The following PLD5 variants were observed in gnomAD, a reference collection of about 807,000 sequenced individuals.
PLD5 encodes inactive phospholipase D5.
PLD5 carries 36 observed loss-of-function variants against 61.1 expected under a neutral mutation model. The observed-to-expected ratio is 0.59, with a 90% CI of 0.45 to 0.78. The LOEUF is 0.78. Ranked by LOEUF, PLD5 falls within the 30% of genes least tolerant of loss-of-function variation. The pLI, the probability that PLD5 is intolerant of heterozygous loss-of-function variation, is 0.00. For synonymous variants in PLD5, 243 were observed against 242.8 expected, an observed-to-expected ratio of 1.00 and a Z score of -0.01; for missense variants, 515 against 644.4, an observed-to-expected ratio of 0.80 and a Z score of 2.17.
intron 2 of PLD5, among the ~76,000 whole-genome samples, chr1:242,289,141 C>T (rs1294827193): frequency 6.6e-6 from 1 of 152,242 alleles, no homozygotes. Context: ...ATTAATCAAG[C>T]CCTAAATAAA....
chr1:242,313,693 G>A (rs1473210738), intron 2 of PLD5, among the ~76,000 whole-genome samples: 1 of 152,144 alleles, frequency 6.6e-6, no homozygotes, highest in Non-Finnish European at 1.5e-5. Context: ...GCTGAGCCTA[G>A]TTCTACCTTT....
chr1:242,164,521 G>C (rs1259855286), intron 5 of PLD5, among the ~76,000 whole-genome samples: 1 of 152,132 alleles, frequency 6.6e-6, no homozygotes, highest in African/African-American at 2.4e-5. Context: ...TTCAGGTCAA[G>C]AGCAAGACAC....
chr1:242,378,659 G>A (rs1285229464), intron 1 of PLD5, among the ~76,000 whole-genome samples: 3 of 152,066 alleles, frequency 2.0e-5, no homozygotes, highest in East Asian at 1.9e-4. Context: ...TGGCCAGCAC[G>A]ACAAAACCCT....
chr1:242,176,040 C>A (rs548625880), intron 5 of PLD5, among the ~76,000 whole-genome samples: 1 of 152,146 alleles, frequency 6.6e-6, no homozygotes, highest in African/African-American at 2.4e-5. Context: ...AATGTTATCC[C>A]CATCAAGCTA....
intron 4 of PLD5, among the ~76,000 whole-genome samples, chr1:242,233,416 T>C (rs1255170072): frequency 6.6e-6 from 1 of 152,158 alleles, no homozygotes; most frequent in Non-Finnish European, 1.5e-5. Flanking sequence ...TGAATGACTC[T>C]GATGCCCTAG....
At chr1:242,358,812 T>C (rs1387271198) in intron 1 of PLD5, among the ~76,000 whole-genome samples, 1 of 152,192 alleles carries the variant, frequency 6.6e-6, no homozygotes, top group Non-Finnish European at 1.5e-5. Context: ...GCAGTGATTG[T>C]CTTTCTCACT....
At chr1:242,494,107 T>G in intron 1 of PLD5, among the ~76,000 whole-genome samples, 1 of 71,344 alleles carries the variant, frequency 1.4e-5, no homozygotes, top group Admixed American at 2.1e-4. Context: ...TCTCCTCCCC[T>G]CTCCTCCCCT....
At chr1:242,393,704 G>C (rs185910271) in intron 1 of PLD5, among the ~76,000 whole-genome samples, 1 of 99,582 alleles carries the variant, frequency 1.0e-5, no homozygotes, top group South Asian at 3.4e-4. Flanking sequence ...GAGTATATAT[G>C]TGTGTATATA....
intron 3 of PLD5, among the ~76,000 whole-genome samples, chr1:242,275,076 C>G (rs181202658): frequency 3.3e-5 from 5 of 151,792 alleles, no homozygotes; most frequent in Non-Finnish European, 5.9e-5. Flanking sequence ...TGTGTGTATA[C>G]GTGCATATAA....
chr1:242,488,998 A>G (rs1190303165), intron 1 of PLD5, among the ~76,000 whole-genome samples: 1 of 152,218 alleles, frequency 6.6e-6, no homozygotes, highest in Non-Finnish European at 1.5e-5. Context: ...TCAAGCAAAT[A>G]TTTGAGGAAG....
At chr1:242,355,877 A>G (rs1485358538) in intron 1 of PLD5, among the ~76,000 whole-genome samples, 3 of 151,874 alleles carry the variant, frequency 2.0e-5, no homozygotes, top group Admixed American at 6.6e-5. Flanking sequence ...GTTTAATTTC[A>G]TTGAGTTTTC....
At chr1:242,257,036 C>CGTT (rs1673095217) in intron 4 of PLD5, among the ~76,000 whole-genome samples, 1 of 136,430 alleles carries the variant, frequency 7.3e-6, no homozygotes, top group East Asian at 2.2e-4. Flanking sequence ...TACCTACCTA[C>CGTT]CTTCTATCTA....
chr1:242,156,757 C>A (rs564998623), intron 5 of PLD5, among the ~76,000 whole-genome samples: 153 of 152,196 alleles, frequency 1.0e-3, no homozygotes, highest in African/African-American at 3.4e-3. Flanking sequence ...GTGGGTAACC[C>A]AACTTTTCTC....
At chr1:242,191,836 G>C (rs761969111) in intron 5 of PLD5, among the ~76,000 whole-genome samples, 3 of 151,414 alleles carry the variant, frequency 2.0e-5, no homozygotes, top group Non-Finnish European at 4.4e-5. Flanking sequence ...AGGGAAGGAG[G>C]GGGTACAGAC....
intron 4 of PLD5, among the ~76,000 whole-genome samples, chr1:242,230,338 A>T (rs1368990051): frequency 6.6e-6 from 1 of 152,248 alleles, no homozygotes; most frequent in African/African-American, 2.4e-5. Flanking sequence ...AAGAATGCTA[A>T]TGAGCCTCAA....
intron 1 of PLD5, among the ~76,000 whole-genome samples, chr1:242,478,696 A>G (rs1273960767): frequency 6.6e-6 from 1 of 152,186 alleles, no homozygotes; most frequent in East Asian, 1.9e-4. Context: ...TATTCCCTGG[A>G]CTGCTAGGCA....
At chr1:242,377,803 A>T (rs557478306) in intron 1 of PLD5, among the ~76,000 whole-genome samples, 17 of 152,348 alleles carry the variant, frequency 1.1e-4, no homozygotes, top group African/African-American at 3.8e-4. Flanking sequence ...AAAAATGCAA[A>T]TCAAAACCAC....
intron 4 of PLD5, among the ~76,000 whole-genome samples, chr1:242,232,599 G>A (rs1671378904): frequency 6.6e-6 from 1 of 152,052 alleles, no homozygotes; most frequent in Non-Finnish European, 1.5e-5. Context: ...CATAAGCCAG[G>A]TGTGGTGCTC....
intron 1 of PLD5, among the ~76,000 whole-genome samples, chr1:242,451,058 C>T (rs1025523693): frequency 3.3e-5 from 5 of 152,186 alleles, no homozygotes; most frequent in African/African-American, 1.2e-4. Flanking sequence ...TTGACTCTAC[C>T]TTGGGCCATG....
Sources: allele counts gnomAD v4.1 joint callset (sites outside exome capture counted in the v4.1 genomes callset), GRCh38; gene constraint gnomAD v4.1.1; transcripts MANE v1.5; gene names NCBI Gene and HGNC (gene_info 2026-07-23, HGNC 2026-07-21).